Variants in C6orf120 observed in about 807,000 individuals in gnomAD.
The protein encoded by C6orf120 is chromosome 6 open reading frame 120.
For synonymous variants in C6orf120, 165 were observed against 123.1 expected (o/e 1.34, Z -2.25); for missense variants, 311 against 264.2 (o/e 1.18, Z -1.23).
chr6:169,705,436 CAA>C (rs1788748287), downstream of C6orf120: 3 of 771,800 alleles, frequency 3.9e-6, no homozygotes, highest in South Asian at 1.8e-5. Context: ...GTCAAATCGC[CAA>C]AGAGAAATGA....
chr6:169,702,757 G>A (rs374320617), exon 1 of C6orf120: 7 of 1,613,314 alleles, frequency 4.3e-6, no homozygotes, highest in Non-Finnish European at 5.9e-6. Context: ...GGCCACCTGC[G>A]GCCCGGACGC....
rs1197042194 is a variant in C6orf120 at position 169,704,091 on chromosome 6, AG to A, written c.*1058del. 4 of 1,574,482 alleles carry A rather than the reference AG, an allele frequency of 2.5e-6. No homozygotes were observed. In the African/African-American group the frequency reaches 4.2e-5, roughly 16 times the overall value. ...ACAACAGTCACAAATCCAGCGACCT[AG>A]GAAAAAAATTGTTAATATAGAATGA... On this transcript the variant is annotated 3_prime_UTR_variant, in exon 1 of 1. Transcript: ENST00000332290.
chr6:169,702,147 C>T (rs556309964), upstream of C6orf120: 1 of 606,886 alleles, frequency 1.6e-6, no homozygotes, highest in Non-Finnish European at 3.1e-6. Flanking sequence ...CGGCGAGGCT[C>T]CGGCCTCGGG....
Position 169,703,927 on chromosome 6 carries a change from G to T in C6orf120, c.*892G>T, listed in dbSNP as rs1029405437. On this transcript the variant is annotated 3_prime_UTR_variant, in exon 1 of 1. Coordinates refer to ENST00000332290, the Ensembl canonical transcript of C6orf120. Reference sequence around the variant, plus strand: ...TAATTTGCAAAAAAAATCTTTTATTGGCATGAAAATAATGTTGTAAATGGC... The same window carrying T: ...TAATTTGCAAAAAAAATCTTTTATTTGCATGAAAATAATGTTGTAAATGGC... 34 of 1,185,646 alleles carry T rather than the reference G, an allele frequency of 2.9e-5. No individual in the cohort carries two copies. The East Asian group carries it at 7.3e-4, about 26-fold the overall frequency. The allele number at this position is 1,185,646 out of a possible 1,614,324, so 73.4% of individuals were successfully genotyped here.
rs530311501 is a variant in C6orf120 at position 169,703,343 on chromosome 6, A to T, written c.*308A>T. 3.5e-4 allele frequency: 128 copies of T among 363,916 alleles called. 1 individual carries two copies. Among genetic ancestry groups the T allele is most frequent in the South Asian group, 5.6e-4 (13 of 23,334 alleles). 22.5% of individuals were successfully genotyped at this position (363,916 alleles called of 1,614,324 possible). A position where few individuals can be genotyped will look rare whatever the true frequency, so the allele number is the denominator to read the frequency against. ...TTTATATAAAATAGAGCAACCTTTC[A>T]TGCTGTGACACAAATCAAAAGGTTG... On this transcript the variant is annotated 3_prime_UTR_variant, in exon 1 of 1. Transcript: ENST00000332290.
exon 1 of C6orf120, chr6:169,703,072 C>T: frequency 6.6e-7 from 1 of 1,525,062 alleles, no homozygotes; most frequent in Non-Finnish European, 8.9e-7. Flanking sequence ...AACCCTCCAT[C>T]TGTGAAGCTG....
chr6:169,703,275 A>G (rs956707508), exon 1 of C6orf120: 2 of 552,710 alleles, frequency 3.6e-6, no homozygotes, highest in Admixed American at 3.4e-5. Flanking sequence ...TTTAGACTCC[A>G]TTTTCATTAG....
chr6:169,702,532 T>G, exon 1 of C6orf120: 1 of 1,611,558 alleles, frequency 6.2e-7, no homozygotes, highest in Non-Finnish European at 8.5e-7. Flanking sequence ...GCAGGTCCTG[T>G]CTCCGGGAAG....
At chr6:169,702,926 C>G in exon 1 of C6orf120, 1 of 1,612,338 alleles carries the variant, frequency 6.2e-7, no homozygotes, top group Non-Finnish European at 8.5e-7. Flanking sequence ...GGCGCAGATG[C>G]CGGCCAGAAG....
At chr6:169,702,355 C>T in exon 1 of C6orf120, 9 of 705,036 alleles carry the variant, frequency 1.3e-5, no homozygotes, top group South Asian at 5.6e-5. Context: ...CTGGACGCGC[C>T]GTGGACCCGC....
chr6:169,704,998 A>G (rs1012362379), downstream of C6orf120: 1 of 570,350 alleles, frequency 1.8e-6, no homozygotes, highest in Non-Finnish European at 3.0e-6. Context: ...TGACCTGTAT[A>G]ATCACAGCTT....
exon 1 of C6orf120, chr6:169,703,420 T>C (rs1788567607): frequency 8.3e-6 from 2 of 241,434 alleles, no homozygotes; most frequent in African/African-American, 2.3e-5. Context: ...GTGTAAGTTT[T>C]CAAGAGTTAC....
At chr6:169,702,410 T>C in exon 1 of C6orf120, 2 of 1,165,054 alleles carry the variant, frequency 1.7e-6, no homozygotes, top group South Asian at 2.9e-5. Flanking sequence ...GCCTCCGGTG[T>C]CCCCAGCAGC....
exon 1 of C6orf120, chr6:169,702,600 C>T: frequency 6.2e-7 from 1 of 1,613,286 alleles, no homozygotes; most frequent in East Asian, 2.2e-5. Flanking sequence ...TCGTCCAGGG[C>T]CAGATAGGCG....
exon 1 of C6orf120, chr6:169,702,819 A>G (rs1446258519): frequency 6.2e-7 from 1 of 1,612,644 alleles, no homozygotes; most frequent in Non-Finnish European, 8.5e-7. Context: ...GCGTCTATGG[A>G]CACCCCTCCC....
exon 1 of C6orf120, chr6:169,702,398 G>C: frequency 9.6e-7 from 1 of 1,038,072 alleles, no homozygotes; most frequent in Non-Finnish European, 1.4e-6. Context: ...CCGGTGCTGA[G>C]CGCCTCCGGT....
At chr6:169,702,733 T>C (rs1788433071) in exon 1 of C6orf120, 3 of 1,613,396 alleles carry the variant, frequency 1.9e-6, no homozygotes, top group African/African-American at 2.7e-5. Context: ...CTTCGACGAC[T>C]ACGAGCTGCA....
At chr6:169,705,985 A>C (rs193059290), downstream of C6orf120, among the ~76,000 whole-genome samples, 369 of 152,320 alleles carry the variant, frequency 2.4e-3, 1 homozygote, top group Non-Finnish European at 3.9e-3. Flanking sequence ...CATGCACAGT[A>C]AGATTTGTTT....
exon 1 of C6orf120, chr6:169,703,462 T>C (rs1788576724): frequency 4.4e-6 from 1 of 228,046 alleles, no homozygotes; most frequent in South Asian, 7.3e-5. Flanking sequence ...TTACGTACAC[T>C]TCCCTGAGCC....
Sources: gnomAD v4.1 joint callset for allele counts (sites outside exome capture counted in the v4.1 genomes callset) on GRCh38, gnomAD v4.1.1 for gene constraint, MANE v1.5 for transcripts, NCBI Gene and HGNC (gene_info 2026-07-23, HGNC 2026-07-21) for gene names.